GP6: variants seen among roughly 807,000 people sequenced by gnomAD.
GP6 encodes glycoprotein VI platelet.
In GP6, 45 loss-of-function variants were observed where a neutral mutation model predicts 37.3. The observed-to-expected ratio is 1.21, with a 90% CI of 0.95 to 1.55. The LOEUF is 1.55. Ranked by LOEUF, GP6 falls within the 40% of genes most tolerant of loss-of-function variation. The probability of loss-of-function intolerance (pLI) is 0.00; values close to 1 mark genes in which losing one functional copy is unlikely to be tolerated. For synonymous variants in GP6, 340 were observed against 316.4 expected, an observed-to-expected ratio of 1.07 and a Z score of -0.79; for missense variants, 813 against 760.2, an observed-to-expected ratio of 1.07 and a Z score of -0.82.
Position 55,014,613 on chromosome 19 carries a change from TGAA to T in GP6, c.1329_1331del (p.Ser444del). On this transcript the variant is annotated inframe_deletion, in exon 8 of 8. Coordinates refer to ENST00000310373, the MANE Select transcript of GP6 (RefSeq NM_001083899.2). ...CGTCTGGAGCCCATATTAGAGAGGT[TGAA>T]GAAAGAGGCCAGTATGTGGTCCAGC... 1 of 1,613,990 alleles carries T rather than the reference TGAA, an allele frequency of 6.2e-7. No individual in the cohort carries two copies. The highest frequency in any genetic ancestry group is 8.5e-7 in the Non-Finnish European group (1 of 1,179,986).
At chr19:55,021,768 C>G (rs1159770337) in intron 5 of GP6, among the ~76,000 whole-genome samples, 2 of 152,144 alleles carry the variant, frequency 1.3e-5, no homozygotes, top group Non-Finnish European at 2.9e-5. Context: ...GATCTGCCTG[C>G]CTCGGCCTCC....
chr19:55,037,871 C>G (rs1361645510), intron 1 of GP6, among the ~76,000 whole-genome samples: 1 of 152,078 alleles, frequency 6.6e-6, no homozygotes, highest in Non-Finnish European at 1.5e-5. Context: ...GATCCACCCA[C>G]CTCGGCCTCC....
Position 55,035,510 on chromosome 19 carries a change from A to G in GP6, c.34+2693T>C, listed in dbSNP as rs374768786. Among the ~76,000 whole-genome samples, 69 of 152,312 alleles carry G rather than the reference A, an allele frequency of 4.5e-4. 2 individuals are homozygous for G. Among genetic ancestry groups the G allele is most frequent in the African/African-American group, 1.5e-3 (63 of 41,578 alleles). On this transcript the variant is annotated intron_variant, in intron 1 of 7. Coordinates refer to ENST00000310373, the MANE Select transcript of GP6 (RefSeq NM_001083899.2). ...GGTGGGCGGATCACCTGAAGTCAGGAGTTCGAGAGCAGCCTGACCAACATG... is the reference window on the plus strand; with the variant it reads ...GGTGGGCGGATCACCTGAAGTCAGGGGTTCGAGAGCAGCCTGACCAACATG...
chr19:55,020,771 C>T (rs944799322), intron 5 of GP6, among the ~76,000 whole-genome samples: 2 of 152,016 alleles, frequency 1.3e-5, no homozygotes, highest in African/African-American at 4.8e-5. Context: ...GTATTTCTGG[C>T]CAGGCGCAGT....
rs914690625 is a variant in GP6, at chr19:55,014,492, C to T, written c.1453G>A (p.Val485Ile). ...TGAGGGTGAGAGTTTCTGGGGAAAACCAGACAAGAGCACAGAGGGCCAAAG... is the reference window on the plus strand; with the variant it reads ...TGAGGGTGAGAGTTTCTGGGGAAAATCAGACAAGAGCACAGAGGGCCAAAG... The change falls in exon 8 of 8, where the codon GTT becomes ATT. Residue 485 changes from valine (V) to isoleucine (I), a missense_variant. Val to Ile is a conservative substitution (Grantham distance 29). Transcript: ENST00000310373. The T allele has an allele frequency of 1.2e-6, 2 of 1,613,946 alleles. No individual in the cohort carries two copies. Among genetic ancestry groups the T allele is most frequent in the African/African-American group, 1.3e-5 (1 of 74,896 alleles).
chr19:55,017,906 T>TA (rs34530481), intron 6 of GP6, among the ~76,000 whole-genome samples: 117,235 of 151,552 alleles, frequency 0.77, 46,025 homozygotes, highest in Middle Eastern at 0.85. Flanking sequence ...CCGTCTCTAC[T>TA]AAAATACAAA....
rs796869786 is a variant in GP6 at position 55,034,716 on chromosome 19, T to TACACACACACAC, written c.35-2190_35-2179dup. Among the ~76,000 whole-genome samples, 363 of 148,140 alleles carry TACACACACACAC rather than the reference T, an allele frequency of 2.5e-3. 5 individuals carry two copies. The highest frequency in any genetic ancestry group is 3.8e-3 in the East Asian group (19 of 4,980). On this transcript the variant is annotated intron_variant, in intron 1 of 7. Transcript: ENST00000310373. ...TGTTTTATCTGGTAACCCTCATTCTTACACACACACACACACACACACACA... is the reference window on the plus strand; with the variant it reads ...TGTTTTATCTGGTAACCCTCATTCTTACACACACACACACACACACACACACACACACACACA...
chr19:55,023,544 C>T (rs2074157376), intron 5 of GP6, among the ~76,000 whole-genome samples: 1 of 152,116 alleles, frequency 6.6e-6, no homozygotes, highest in Non-Finnish European at 1.5e-5. Context: ...TGCTCCTGCT[C>T]CCACCACATG....
At position 55,032,213 on chromosome 19, in the gene GP6, C is replaced by T. The variant is rs758571097; in HGVS notation, c.251G>A (p.Gly84Glu). The change falls in exon 3 of 8, where the codon GGA becomes GAA. Residue 84 changes from glycine (G) to glutamate (E), a missense_variant. By Grantham distance (98) the Gly-to-Glu change is moderately conservative. Coordinates refer to ENST00000310373, the MANE Select transcript of GP6 (RefSeq NM_001083899.2). ...GTTCTGGTAGGAGCAGCGGTAGCGT[C>T]CAGCCAGACTTCTCTTCATGGCCGG... The T allele has an allele frequency of 6.2e-7, 1 of 1,614,096 alleles. No homozygotes were observed. Among genetic ancestry groups the T allele is most frequent in the East Asian group, 2.2e-5 (1 of 44,886 alleles).
intron 3 of GP6, among the ~76,000 whole-genome samples, chr19:55,031,815 CAT>C (rs776368390): frequency 1.3e-5 from 2 of 151,946 alleles, no homozygotes; most frequent in Admixed American, 6.6e-5. Context: ...TCTATAAAAA[CAT>C]AAAAAATGAG....
In GP6 at chr19:55,032,285, T is replaced by A. The variant is rs1200750486; in HGVS notation, c.179A>T (p.Glu60Val). The change falls in exon 3 of 8, where the codon GAG (glutamate) becomes GTG (valine). Residue 60 changes from glutamate (E) to valine (V), a missense_variant. Glu to Val is a moderately radical substitution (Grantham distance 121). Transcript: ENST00000310373. ...CTGGTACCTGCTGGAACTCAGCTTCTCCAGGCGGTACAGGTCCACGCCCGG... is the reference window on the plus strand; with the variant it reads ...CTGGTACCTGCTGGAACTCAGCTTCACCAGGCGGTACAGGTCCACGCCCGG... 1.2e-6 allele frequency: 2 copies of A among 1,614,144 alleles called. No homozygotes were observed. Among genetic ancestry groups the A allele is most frequent in the African/African-American group, 2.7e-5 (2 of 75,046 alleles).
Position 55,014,609 on chromosome 19 carries a change from AG to A in GP6, c.1335del (p.Ser446LeufsTer2). The A allele has an allele frequency of 6.2e-7, 1 of 1,613,994 alleles. No homozygotes were observed. Among genetic ancestry groups the A allele is most frequent in the African/African-American group, 1.3e-5 (1 of 74,998 alleles). On this transcript the variant is annotated frameshift_variant, in exon 8 of 8. Transcript: ENST00000310373. LOFTEE classifies it low-confidence loss of function (END_TRUNC). ...GATCCGTCTGGAGCCCATATTAGAG[AG>A]GTTGAAGAAAGAGGCCAGTATGTGG...
intron 1 of GP6, among the ~76,000 whole-genome samples, chr19:55,037,999 T>G (rs1338478467): frequency 6.6e-6 from 1 of 152,176 alleles, no homozygotes; most frequent in East Asian, 1.9e-4. Context: ...GTTCATTTCC[T>G]GACCCAGCCA....
intron 1 of GP6, among the ~76,000 whole-genome samples, chr19:55,036,183 T>C (rs917286560): frequency 6.6e-6 from 1 of 152,140 alleles, no homozygotes; most frequent in African/African-American, 2.4e-5. Context: ...TTCTCACTTA[T>C]AAGTGAGAGC....
Position 55,013,921 on chromosome 19 carries a change from C to T in GP6, c.*161G>A, listed in dbSNP as rs2073739011. On this transcript the variant is annotated 3_prime_UTR_variant, in exon 8 of 8. Coordinates refer to ENST00000310373, the MANE Select transcript of GP6 (RefSeq NM_001083899.2). ...CCTAAACGCTATAATAAATATAGAA[C>T]TTTACCTTGAGAAGACCTAACATTT... 1 of 384,128 alleles carries T rather than the reference C, an allele frequency of 2.6e-6. No homozygotes were observed. Among genetic ancestry groups the T allele is most frequent in the Non-Finnish European group, 5.2e-6 (1 of 193,910 alleles). 23.8% of individuals were successfully genotyped at this position (384,128 alleles called of 1,614,324 possible).
At chr19:55,033,382 A>ACTCGTTCGTGTTGTGTTAGACACGGTGGG (rs1568643748) in intron 1 of GP6, among the ~76,000 whole-genome samples, 263 of 7,728 alleles carry the variant, frequency 0.034, 108 homozygotes, top group East Asian at 0.056. Flanking sequence ...GACACGGTGG[A>ACTCGTTCGTGTTGTGTTAGACACGGTGGG]CTCGTTCGTG....
At chr19:55,016,654 G>A (rs371573373) in intron 6 of GP6, among the ~76,000 whole-genome samples, 3 of 151,828 alleles carry the variant, frequency 2.0e-5, no homozygotes, top group Admixed American at 1.3e-4. Flanking sequence ...GATTACAGGC[G>A]TGAGCCACTG....
At chr19:55,019,660 A>G (rs2074003050) in intron 5 of GP6, among the ~76,000 whole-genome samples, 1 of 147,738 alleles carries the variant, frequency 6.8e-6, no homozygotes, top group Admixed American at 6.8e-5. Context: ...CTTCCAACTT[A>G]GGCCATTTTC....
In GP6 at chr19:55,027,757, G is replaced by A. The variant is rs774756684; in HGVS notation, c.431C>T (p.Ala144Val). 2 of 1,613,730 alleles carry A rather than the reference G, an allele frequency of 1.2e-6. No homozygotes were observed. Among genetic ancestry groups the A allele is most frequent in the African/African-American group, 1.3e-5 (1 of 74,932 alleles). ...CGCAGGGTCCCCTTCCTTGTACAGA[G>A]CAAATTGGTCAAAGCCATACCGAGT... Residue 144 changes from alanine (A) to valine (V), a missense_variant, in exon 4 of 8, where the codon GCT (alanine) becomes GTT (valine). Coordinates refer to ENST00000310373, the MANE Select transcript of GP6 (RefSeq NM_001083899.2).
Sources: gnomAD v4.1 joint callset for allele counts (sites outside exome capture counted in the v4.1 genomes callset) on GRCh38, gnomAD v4.1.1 for gene constraint, MANE v1.5 for transcripts, NCBI Gene and HGNC (gene_info 2026-07-23, HGNC 2026-07-21) for gene names.